Variants in SGMS1 observed in about 807,000 individuals in gnomAD.
The protein encoded by SGMS1 is phosphatidylcholine:ceramide cholinephosphotransferase 1.
SGMS1 carries 13 observed loss-of-function variants against 46.2 expected under a neutral mutation model. The ratio of observed to expected loss-of-function variants is 0.28; its 90% CI spans 0.18 to 0.45. The LOEUF (loss-of-function observed/expected upper bound fraction) is 0.45, where lower values mean the gene tolerates loss of function less well. Ranked by LOEUF, SGMS1 falls within the 20% of genes least tolerant of loss-of-function variation. The probability of loss-of-function intolerance (pLI) is 1.00; values close to 1 mark genes in which losing one functional copy is unlikely to be tolerated. For missense variants in SGMS1, 324 were observed against 519.9 expected (o/e 0.62, Z 3.66); for synonymous variants, 203 against 187.8 (o/e 1.08, Z -0.66).
At chr10:50,607,712 A>G (rs1838710385) in intron 1 of SGMS1, among the ~76,000 whole-genome samples, 1 of 152,226 alleles carries the variant, frequency 6.6e-6, no homozygotes, top group Non-Finnish European at 1.5e-5. Context: ...TTATCCAGAT[A>G]TATTCTCCTT....
chr10:50,523,039 A>G (rs1038657792), intron 2 of SGMS1, among the ~76,000 whole-genome samples: 2 of 152,118 alleles, frequency 1.3e-5, no homozygotes, highest in Admixed American at 6.5e-5. Context: ...CAGCGGGGAA[A>G]GTGTTCAAGC....
intron 7 of SGMS1, chr10:50,335,630 T>C (rs1178319688): frequency 2.6e-5 from 4 of 152,288 alleles, no homozygotes; most frequent in South Asian, 2.1e-4. Context: ...GGGACACAGA[T>C]GTGGTGACTT....
At chr10:50,464,615 G>A (rs955671523) in intron 4 of SGMS1, among the ~76,000 whole-genome samples, 29 of 152,284 alleles carry the variant, frequency 1.9e-4, no homozygotes, top group African/African-American at 6.7e-4. Flanking sequence ...GTATTTTTTG[G>A]TAGAGACGGG....
At chr10:50,583,383 G>A (rs1312910052) in intron 2 of SGMS1, among the ~76,000 whole-genome samples, 2 of 152,124 alleles carry the variant, frequency 1.3e-5, no homozygotes, top group Non-Finnish European at 2.9e-5. Context: ...ATTCACCCTT[G>A]GAGGGAACCA....
intron 6 of SGMS1, among the ~76,000 whole-genome samples, chr10:50,385,526 A>G (rs1848670055): frequency 6.6e-6 from 1 of 152,258 alleles, no homozygotes; most frequent in Non-Finnish European, 1.5e-5. Context: ...ATGAAATAAC[A>G]TATGTAAAAG....
At chr10:50,358,295 C>T (rs1848189018) in intron 6 of SGMS1, among the ~76,000 whole-genome samples, 1 of 152,122 alleles carries the variant, frequency 6.6e-6, no homozygotes, top group African/African-American at 2.4e-5. Flanking sequence ...CTGTGGGGTA[C>T]CTTGTTAAAG....
chr10:50,617,713 C>G (rs950154371), intron 1 of SGMS1, among the ~76,000 whole-genome samples: 21 of 152,050 alleles, frequency 1.4e-4, no homozygotes, highest in African/African-American at 4.8e-4. Flanking sequence ...TCCCGAGTAG[C>G]TAGGACTATA....
At chr10:50,468,787 T>C (rs1197059430) in intron 3 of SGMS1, among the ~76,000 whole-genome samples, 1 of 152,244 alleles carries the variant, frequency 6.6e-6, no homozygotes, top group Non-Finnish European at 1.5e-5. Context: ...ATTCTGGCAT[T>C]TGACAGGAAG....
intron 2 of SGMS1, among the ~76,000 whole-genome samples, chr10:50,530,588 G>A (rs527986487): frequency 1.3e-5 from 2 of 152,088 alleles, no homozygotes; most frequent in South Asian, 2.1e-4. Context: ...GGCTCCAAGC[G>A]ATCCTCCCGC....
chr10:50,572,655 C>G (rs1838346392), intron 2 of SGMS1, among the ~76,000 whole-genome samples: 1 of 152,162 alleles, frequency 6.6e-6, no homozygotes, highest in African/African-American at 2.4e-5. Context: ...AACTATGACT[C>G]TATGCCTTTG....
chr10:50,488,197 A>G (rs961048933), intron 3 of SGMS1, among the ~76,000 whole-genome samples: 1 of 151,940 alleles, frequency 6.6e-6, no homozygotes, highest in Non-Finnish European at 1.5e-5. Flanking sequence ...TATTTTTGGT[A>G]GAGACGGGTT....
chr10:50,415,285 G>GT (rs199562486), intron 6 of SGMS1, among the ~76,000 whole-genome samples: 2,525 of 152,258 alleles, frequency 0.017, 68 homozygotes, highest in African/African-American at 0.057. Flanking sequence ...TTTTATTTTT[G>GT]TAAGTGATTC....
chr10:50,573,718 A>G (rs1372691902), intron 2 of SGMS1, among the ~76,000 whole-genome samples: 2 of 152,216 alleles, frequency 1.3e-5, no homozygotes, highest in African/African-American at 4.8e-5. Flanking sequence ...AAAGAATTTT[A>G]AGCAAGAAAA....
chr10:50,429,392 C>T (rs1306638624), intron 6 of SGMS1, among the ~76,000 whole-genome samples: 2 of 152,104 alleles, frequency 1.3e-5, no homozygotes, highest in Admixed American at 1.3e-4. Flanking sequence ...TACCATATAG[C>T]CTAGGTTTGT....
chr10:50,623,960 G>C, upstream of SGMS1: 1 of 985,580 alleles, frequency 1.0e-6, no homozygotes. Flanking sequence ...CCGGGCTGCC[G>C]AGCATGCCCA....
intron 1 of SGMS1, among the ~76,000 whole-genome samples, chr10:50,598,993 G>A (rs956834704): frequency 5.3e-5 from 8 of 152,216 alleles, no homozygotes; most frequent in African/African-American, 1.9e-4. Context: ...ATGGTAAAGT[G>A]AGGTGATGAA....
intron 2 of SGMS1, among the ~76,000 whole-genome samples, chr10:50,581,275 G>A (rs1047435641): frequency 2.0e-5 from 3 of 152,154 alleles, no homozygotes; most frequent in Non-Finnish European, 2.9e-5. Context: ...CTGGACACTG[G>A]CCACACCAGT....
At position 50,511,849 on chromosome 10, in the gene SGMS1, C is replaced by T. The variant is rs535227985; in HGVS notation, c.-498+7982G>A. The stretch of plus-strand genomic sequence containing the variant: ...CTTCAAGGTAAACTGCCCCTCTTCC[C>T]TTCTAACCTGTACATAATTTTGTCA... On this transcript the variant is annotated intron_variant, in intron 3 of 10. Transcript: ENST00000361781. Among the ~76,000 whole-genome samples the T allele has an allele frequency of 2.6e-5, 4 of 152,262 alleles. No individual in the cohort carries two copies. In the East Asian group the frequency reaches 7.7e-4, roughly 29 times the overall value.
chr10:50,340,990 G>A (rs77275745), intron 7 of SGMS1, among the ~76,000 whole-genome samples: 3,846 of 152,252 alleles, frequency 0.025, 82 homozygotes, highest in Middle Eastern at 0.065. Context: ...TGGAGAAGTC[G>A]TATAAAACAG....
Sources: gnomAD v4.1 joint callset for allele counts (sites outside exome capture counted in the v4.1 genomes callset) on GRCh38, gnomAD v4.1.1 for gene constraint, MANE v1.5 for transcripts, NCBI Gene and HGNC (gene_info 2026-07-23, HGNC 2026-07-21) for gene names.